NUDCD1: variants seen among roughly 807,000 people sequenced by gnomAD.
NUDCD1 encodes nudC domain-containing protein 1.
In NUDCD1, 60 loss-of-function variants were observed where a neutral mutation model predicts 67.8. That is an observed-to-expected ratio of 0.88 (90% CI 0.72 to 1.10). The LOEUF (loss-of-function observed/expected upper bound fraction) is 1.10. NUDCD1 is among the 50% of genes least tolerant of loss of function. The probability of loss-of-function intolerance (pLI) is 0.00; values close to 1 mark genes in which losing one functional copy is unlikely to be tolerated. For synonymous variants in NUDCD1, 244 were observed against 230.8 expected (o/e 1.06, Z -0.52); for missense variants, 643 against 695.0 (o/e 0.93, Z 0.84).
At chr8:109,327,158 A>G (rs1158766599) in intron 1 of NUDCD1, among the ~76,000 whole-genome samples, 1 of 152,216 alleles carries the variant, frequency 6.6e-6, no homozygotes, top group African/African-American at 2.4e-5. Flanking sequence ...CTATTTATCT[A>G]TGAAGGTGTA....
At chr8:109,309,930 G>A (rs1380302098) in intron 2 of NUDCD1, among the ~76,000 whole-genome samples, 3 of 150,884 alleles carry the variant, frequency 2.0e-5, no homozygotes, top group Non-Finnish European at 4.4e-5. Context: ...CCAAGGAGGT[G>A]AAAGACCTAT....
chr8:109,299,177 G>A (rs951110644), intron 2 of NUDCD1, among the ~76,000 whole-genome samples: 3 of 152,288 alleles, frequency 2.0e-5, no homozygotes, highest in East Asian at 1.9e-4. Context: ...CAGAGGCACC[G>A]GGCAAAGGCC....
chr8:109,303,912 A>G (rs1051872504), intron 2 of NUDCD1, among the ~76,000 whole-genome samples: 1 of 152,052 alleles, frequency 6.6e-6, no homozygotes, highest in Admixed American at 6.6e-5. Context: ...ACCTGTCCAA[A>G]AACTGGACAA....
chr8:109,265,166 C>A (rs1813965890), intron 8 of NUDCD1, among the ~76,000 whole-genome samples: 1 of 151,930 alleles, frequency 6.6e-6, no homozygotes, highest in Admixed American at 6.6e-5. Flanking sequence ...ATTTTAATTA[C>A]AAATGAATTG....
At chr8:109,309,691 TA>T (rs1245348008) in intron 2 of NUDCD1, among the ~76,000 whole-genome samples, 2 of 152,050 alleles carry the variant, frequency 1.3e-5, no homozygotes, top group African/African-American at 4.8e-5. Flanking sequence ...ATGATATAAC[TA>T]TTTACCTAGA....
chr8:109,282,706 T>C (rs566949853), intron 5 of NUDCD1, among the ~76,000 whole-genome samples: 14 of 151,804 alleles, frequency 9.2e-5, no homozygotes, highest in African/African-American at 3.1e-4. Context: ...AGGGGAGGGA[T>C]AGCATTAGGA....
At position 109,302,983 on chromosome 8, in the gene NUDCD1, A is replaced by T. The variant is rs141293541; in HGVS notation, c.274-6414T>A. 3.4e-3 allele frequency among the ~76,000 whole-genome samples: 515 copies of T among 152,334 alleles called. 6 individuals are homozygous for T. The highest frequency in any genetic ancestry group is 0.011 in the African/African-American group (467 of 41,580). On this transcript the variant is annotated intron_variant, in intron 2 of 9. Coordinates refer to ENST00000239690, the MANE Select transcript of NUDCD1 (RefSeq NM_032869.4). ...TGCAATTACTCGCCTCCACTGTGAG[A>T]GAAACCCCAGCCACATTTCCAGCAC... is the stretch of plus-strand genomic sequence containing the variant.
chr8:109,318,973 T>C (rs1427355458), intron 2 of NUDCD1, among the ~76,000 whole-genome samples: 3 of 151,066 alleles, frequency 2.0e-5, no homozygotes, highest in African/African-American at 7.3e-5. Flanking sequence ...TTTTTTTTTT[T>C]TTGAGACGGA....
intron 1 of NUDCD1, among the ~76,000 whole-genome samples, chr8:109,328,946 G>A (rs1347767433): frequency 1.3e-5 from 2 of 152,100 alleles, no homozygotes; most frequent in South Asian, 4.1e-4. Flanking sequence ...AAACTGACAT[G>A]GAAGCTACAA....
chr8:109,255,260 T>C (rs747438635), intron 8 of NUDCD1, among the ~76,000 whole-genome samples: 13 of 152,190 alleles, frequency 8.5e-5, no homozygotes, highest in Non-Finnish European at 1.9e-4. Flanking sequence ...TTAAGTTGTA[T>C]AGATAAGTTG....
chr8:109,303,964 C>G (rs898332913), intron 2 of NUDCD1, among the ~76,000 whole-genome samples: 4 of 152,006 alleles, frequency 2.6e-5, no homozygotes, highest in Non-Finnish European at 4.4e-5. Flanking sequence ...ATCAACCACC[C>G]CATGGTGCCA....
rs1813385361 is a variant in NUDCD1, at chr8:109,242,291, A to G, written c.*718T>C. 2.5e-6 allele frequency: 1 copy of G among 394,664 alleles called. No homozygotes were observed. Among genetic ancestry groups the G allele is most frequent in the African/African-American group, 2.1e-5 (1 of 48,506 alleles). 24.4% of individuals were successfully genotyped at this position (394,664 alleles called of 1,614,324 possible). ...TATGGAAAGAAGATTCGTCTAGTCT[A>G]CTGGAGGCTGAGAGGCCCTGTACAG... On this transcript the variant is annotated 3_prime_UTR_variant, in exon 10 of 10. Coordinates refer to ENST00000239690, the MANE Select transcript of NUDCD1 (RefSeq NM_032869.4).
At chr8:109,249,845 TTC>T (rs1174687680) in intron 8 of NUDCD1, among the ~76,000 whole-genome samples, 1 of 119,846 alleles carries the variant, frequency 8.3e-6, no homozygotes, top group Non-Finnish European at 1.8e-5. Context: ...AATTGTTGAA[TTC>T]TTTTTTTTTT....
chr8:109,310,961 G>A (rs1009058889), intron 2 of NUDCD1, among the ~76,000 whole-genome samples: 21 of 151,484 alleles, frequency 1.4e-4, no homozygotes, highest in Middle Eastern at 3.4e-3. Flanking sequence ...GACTACAGGC[G>A]CACGCCACCA....
At chr8:109,270,554 A>T (rs1333450402) in intron 8 of NUDCD1, among the ~76,000 whole-genome samples, 2 of 152,208 alleles carry the variant, frequency 1.3e-5, no homozygotes, top group African/African-American at 4.8e-5. Flanking sequence ...TATGACAGAG[A>T]TTTTTAAAAA....
chr8:109,283,244 T>G (rs917286239), intron 5 of NUDCD1, among the ~76,000 whole-genome samples: 3 of 151,314 alleles, frequency 2.0e-5, no homozygotes, highest in Non-Finnish European at 4.4e-5. Context: ...TAGACAAAAA[T>G]AAAGAAAAAA....
intron 1 of NUDCD1, among the ~76,000 whole-genome samples, chr8:109,331,135 G>A (rs1301776841): frequency 6.6e-6 from 1 of 152,062 alleles, no homozygotes. Context: ...GAGGTCAGGA[G>A]TTCAAGACCA....
intron 2 of NUDCD1, among the ~76,000 whole-genome samples, chr8:109,309,667 G>A (rs574928187): frequency 1.6e-4 from 25 of 152,222 alleles, no homozygotes; most frequent in Non-Finnish European, 2.8e-4. Context: ...AAGTCAAACC[G>A]TTGCTGTTTA....
At chr8:109,245,608 G>C in intron 8 of NUDCD1, 127 bp from the exon 9 acceptor site, 2 of 635,640 alleles carry the variant, frequency 3.1e-6, no homozygotes. Context: ...TACTTAATCT[G>C]ATTGACTCCT....
Sources: gnomAD v4.1 joint callset for allele counts (sites outside exome capture counted in the v4.1 genomes callset) on GRCh38, gnomAD v4.1.1 for gene constraint, MANE v1.5 for transcripts, NCBI Gene and HGNC (gene_info 2026-07-23, HGNC 2026-07-21) for gene names.